Variants in EDA observed in about 807,000 individuals in gnomAD.
EDA encodes the protein ectodysplasin-A.
A neutral mutation model predicts 23.6 loss-of-function variants in EDA; 2 were observed. That is an observed-to-expected ratio of 0.08 (90% CI 0.03 to 0.27). The LOEUF is 0.27. EDA is among the 10% of genes least tolerant of loss of function. EDA has a pLI of 1.00. For synonymous variants in EDA, 131 were observed against 132.0 expected, an observed-to-expected ratio of 0.99 and a Z score of 0.05; for missense variants, 229 against 324.2, an observed-to-expected ratio of 0.71 and a Z score of 2.26.
At chrX:69,930,642 A>G (rs2018585617) in intron 1 of EDA, among the ~76,000 whole-genome samples, 2 of 111,421 alleles carry the variant, frequency 1.8e-5, no homozygotes, top group Admixed American at 9.6e-5. Flanking sequence ...TGCTCTCATC[A>G]TTTCTAGTCA....
At chrX:69,902,461 G>A (rs1023135155) in intron 1 of EDA, among the ~76,000 whole-genome samples, 4 of 111,111 alleles carry the variant, frequency 3.6e-5, no homozygotes, top group Non-Finnish European at 7.5e-5. Context: ...CCCCTTCCCT[G>A]ATGCATTCCT....
At chrX:69,903,662 TC>T in intron 1 of EDA, among the ~76,000 whole-genome samples, 1 of 110,067 alleles carries the variant, frequency 9.1e-6, no homozygotes, top group African/African-American at 3.3e-5. Context: ...CTTTTATTTT[TC>T]TGCTTTGAAG....
chrX:69,682,021 T>C (rs1934374445), intron 1 of EDA, among the ~76,000 whole-genome samples: 1 of 110,783 alleles, frequency 9.0e-6, no homozygotes, highest in Admixed American at 9.6e-5. Flanking sequence ...CCTTTCTGTT[T>C]GTTAGTTTTC....
At chrX:69,906,043 G>A (rs1358062839) in intron 1 of EDA, among the ~76,000 whole-genome samples, 1 of 111,468 alleles carries the variant, frequency 9.0e-6, no homozygotes, top group Non-Finnish European at 1.9e-5. Context: ...GGTCATCTAT[G>A]TCTTCTGTTT....
chrX:69,681,620 C>T (rs2147283934), intron 1 of EDA, among the ~76,000 whole-genome samples: 1 of 111,000 alleles, frequency 9.0e-6, no homozygotes, highest in South Asian at 3.9e-4. Context: ...GCATCGGCTC[C>T]TGAGGCTTCT....
At chrX:69,804,977 T>C (rs1336744178) in intron 1 of EDA, among the ~76,000 whole-genome samples, 1 of 111,084 alleles carries the variant, frequency 9.0e-6, no homozygotes, top group African/African-American at 3.3e-5. Context: ...GGATCAGAGG[T>C]TAAGGGACTT....
chrX:69,991,819 G>A (rs370549850), intron 2 of EDA, among the ~76,000 whole-genome samples: 2 of 111,934 alleles, frequency 1.8e-5, no homozygotes, highest in East Asian at 2.8e-4. Context: ...GTTGGCAGAC[G>A]CCTGGCCTGG....
chrX:69,772,093 T>C (rs893029994), intron 1 of EDA, among the ~76,000 whole-genome samples: 10 of 111,615 alleles, frequency 9.0e-5, no homozygotes, highest in African/African-American at 3.3e-4. Flanking sequence ...GCTGGGACTA[T>C]AGGCACACAC....
At chrX:70,023,478 CTTTTTTTTTTTTTTTTTTT>C (rs754981946) in intron 3 of EDA, among the ~76,000 whole-genome samples, 1 of 33,500 alleles carries the variant, frequency 3.0e-5, no homozygotes, top group East Asian at 1.3e-3. Flanking sequence ...TCTTTTTATT[CTTTTTTTTTTTTTTTTTTT>C]TTTTTTTTTG....
intron 1 of EDA, among the ~76,000 whole-genome samples, chrX:69,752,570 A>G (rs904368747): frequency 8.9e-6 from 1 of 111,789 alleles, no homozygotes; most frequent in Admixed American, 9.5e-5. Context: ...AGGCTTTGGT[A>G]TCAGGATGAT....
intron 1 of EDA, among the ~76,000 whole-genome samples, chrX:69,723,335 CTTGT>C (rs1356051081): frequency 8.9e-6 from 1 of 112,118 alleles, no homozygotes; most frequent in Non-Finnish European, 1.9e-5. Context: ...AAAGTTTTTG[CTTGT>C]TTGACATTAT....
chrX:69,693,605 T>C (rs1406765057), intron 1 of EDA, among the ~76,000 whole-genome samples: 1 of 111,365 alleles, frequency 9.0e-6, no homozygotes, highest in Non-Finnish European at 1.9e-5. Context: ...ATCCAATTGA[T>C]TCGGTTAATT....
intron 1 of EDA, among the ~76,000 whole-genome samples, chrX:69,681,368 T>G (rs1264291730): frequency 9.0e-6 from 1 of 110,534 alleles, no homozygotes; most frequent in Non-Finnish European, 1.9e-5. Flanking sequence ...AACGTTGGCC[T>G]GCTTTGCTAG....
At chrX:69,971,111 T>C (rs946640650) in intron 2 of EDA, among the ~76,000 whole-genome samples, 5 of 111,864 alleles carry the variant, frequency 4.5e-5, no homozygotes, top group African/African-American at 1.6e-4. Context: ...CAATATTATT[T>C]ATGAATATAA....
At position 69,616,144 on chromosome X, in the gene EDA, A is replaced by T. The variant is rs775815089; in HGVS notation, c.-165A>T. 8.6e-6 allele frequency: 4 copies of T among 466,513 alleles called. No homozygotes were observed. The highest frequency in any genetic ancestry group is 1.4e-5 in the Non-Finnish European group (4 of 285,405). 38.4% of individuals were successfully genotyped at this position (466,513 alleles called of 1,213,427 possible). On this transcript the variant is annotated 5_prime_UTR_variant, in exon 1 of 8. The change abolishes an upstream ATG in the 5' untranslated region. Transcript: ENST00000374552. ...CCCACCCCTCGGAGTAGAGCTGCAC[A>T]TGCGGCTGCTCCCTGCTCCGTCCCG...
At position 70,021,995 on chromosome X, in the gene EDA, T is replaced by TC. The variant is rs756992732; in HGVS notation, c.503-1223_503-1222insC. Among the ~76,000 whole-genome samples the TC allele has an allele frequency of 4.5e-5, 5 of 112,240 alleles. No homozygotes were observed. The South Asian group carries it at 1.9e-3, about 42-fold the overall frequency. Reference sequence around the variant, plus strand: ...ATATTGAAATGCTTGGTGTTCCTTTTGTAAGCTCTTGAGGGCACTGACAGT... The same window carrying TC: ...ATATTGAAATGCTTGGTGTTCCTTTTCGTAAGCTCTTGAGGGCACTGACAGT... On this transcript the variant is annotated intron_variant, in intron 2 of 7. Transcript: ENST00000374552.
chrX:69,747,753 A>G (rs2804373), intron 1 of EDA, among the ~76,000 whole-genome samples: 37,288 of 110,907 alleles, frequency 0.34, 5,236 homozygotes, highest in Middle Eastern at 0.57. Flanking sequence ...GGGGATAGAG[A>G]AAAAGAAAGA....
At chrX:69,875,560 A>G (rs1394535867) in intron 1 of EDA, among the ~76,000 whole-genome samples, 1 of 112,257 alleles carries the variant, frequency 8.9e-6, no homozygotes, top group African/African-American at 3.2e-5. Flanking sequence ...AAACCCTTCT[A>G]GACATTGGCT....
At chrX:69,895,395 T>TACACACACACACAC (rs200298403) in intron 1 of EDA, among the ~76,000 whole-genome samples, 89 of 86,161 alleles carry the variant, frequency 1.0e-3, no homozygotes, top group African/African-American at 3.7e-3. Context: ...TTTCTCAACC[T>TACACACACACACAC]ACACACACAC....
Sources: gnomAD v4.1 joint callset for allele counts (sites outside exome capture counted in the v4.1 genomes callset) on GRCh38, gnomAD v4.1.1 for gene constraint, MANE v1.5 for transcripts, NCBI Gene and HGNC (gene_info 2026-07-23, HGNC 2026-07-21) for gene names.